EPHB1: variants seen among roughly 807,000 people sequenced by gnomAD.
EPHB1 encodes the protein EPH receptor B1.
Under a neutral mutation model 94.4 loss-of-function variants are expected in EPHB1, and 30 were observed. The ratio of observed to expected loss-of-function variants is 0.32; its 90% CI spans 0.24 to 0.43. The LOEUF is 0.43. EPHB1 is among the 20% of genes least tolerant of loss of function. EPHB1 has a pLI of 1.00. For missense variants in EPHB1, 1,055 were observed against 1,308.3 expected (o/e 0.81, Z 2.99); for synonymous variants, 522 against 489.1 (o/e 1.07, Z -0.89).
chr3:134,852,205 C>T (rs746014516), intron 1 of EPHB1, among the ~76,000 whole-genome samples: 1 of 152,160 alleles, frequency 6.6e-6, no homozygotes, highest in African/African-American at 2.4e-5. Context: ...AATGTCCCCT[C>T]CTTTTGGTTG....
intron 6 of EPHB1, among the ~76,000 whole-genome samples, chr3:135,158,572 G>A (rs77312547): frequency 0.025 from 3,815 of 152,126 alleles, 152 homozygotes; most frequent in African/African-American, 0.087. Context: ...TTGCGCTTAG[G>A]ACCCCTTTCA....
At chr3:135,175,242 T>G (rs1180008706) in intron 9 of EPHB1, among the ~76,000 whole-genome samples, 1 of 152,196 alleles carries the variant, frequency 6.6e-6, no homozygotes, top group Non-Finnish European at 1.5e-5. Context: ...TGTCCCAGCC[T>G]TTTCACTTTT....
At chr3:135,219,642 GGTT>G (rs1471595679) in intron 12 of EPHB1, among the ~76,000 whole-genome samples, 1 of 152,170 alleles carries the variant, frequency 6.6e-6, no homozygotes, top group Non-Finnish European at 1.5e-5. Flanking sequence ...TATAACTCTT[GGTT>G]GTTATGTTCA....
intron 1 of EPHB1, among the ~76,000 whole-genome samples, chr3:134,814,773 A>C (rs1013931335): frequency 6.6e-6 from 1 of 152,246 alleles, no homozygotes; most frequent in Admixed American, 6.5e-5. Context: ...TTGCCATTGC[A>C]GACGAAGCTT....
chr3:134,903,369 T>G (rs898274084), intron 1 of EPHB1, among the ~76,000 whole-genome samples: 1 of 152,196 alleles, frequency 6.6e-6, no homozygotes, highest in Non-Finnish European at 1.5e-5. Flanking sequence ...GTGTATGGAA[T>G]GAGAGAGGCT....
At chr3:134,996,190 CTTTTA>C (rs1477685140) in intron 3 of EPHB1, among the ~76,000 whole-genome samples, 7 of 151,980 alleles carry the variant, frequency 4.6e-5, no homozygotes, top group Non-Finnish European at 8.8e-5. Flanking sequence ...GAATAATATT[CTTTTA>C]TTTATTTATT....
At chr3:134,973,193 A>G (rs1934045829) in intron 3 of EPHB1, among the ~76,000 whole-genome samples, 1 of 152,146 alleles carries the variant, frequency 6.6e-6, no homozygotes, top group South Asian at 2.1e-4. Context: ...GCCCTTTCCA[A>G]GGGCAGACAC....
chr3:135,018,589 T>C (rs952615160), intron 3 of EPHB1, among the ~76,000 whole-genome samples: 12 of 152,288 alleles, frequency 7.9e-5, no homozygotes, highest in African/African-American at 2.4e-4. Context: ...TGTGAACATA[T>C]TTAGTAGATA....
chr3:135,048,643 G>T (rs995390099), intron 3 of EPHB1, among the ~76,000 whole-genome samples: 1 of 152,176 alleles, frequency 6.6e-6, no homozygotes, highest in Non-Finnish European at 1.5e-5. Flanking sequence ...AGGGAGCAGA[G>T]TAGCCAAGTC....
chr3:135,239,008 A>C (rs1323844474), intron 12 of EPHB1, among the ~76,000 whole-genome samples: 1 of 152,208 alleles, frequency 6.6e-6, no homozygotes, highest in Non-Finnish European at 1.5e-5. Context: ...ATGTTGATAA[A>C]ACCAGTAAAT....
chr3:135,238,860 G>A (rs1184967028), intron 12 of EPHB1, among the ~76,000 whole-genome samples: 3 of 152,158 alleles, frequency 2.0e-5, no homozygotes, highest in African/African-American at 7.2e-5. Context: ...AGGCCATCTC[G>A]AGGTGTGACA....
chr3:134,936,725 A>G (rs2039010864), intron 2 of EPHB1, among the ~76,000 whole-genome samples: 1 of 152,176 alleles, frequency 6.6e-6, no homozygotes. Context: ...CAGTGTCACG[A>G]AGGACAGCCT....
chr3:135,106,494 C>T lies in EPHB1; in HGVS notation c.852C>T (p.Cys284=), dbSNP rs367853569. ...AGGCCAGCCAGGAAGCTGAAGGCTG[C>T]TCCCACTGCCCCTCCAACAGCCGCT... ...TFKASQEAEG[C]SHCPSNSRSP... Residue 284 remains cysteine, a synonymous_variant, in exon 4 of 16, where the codon TGC becomes TGT. Transcript: ENST00000398015. The T allele has an allele frequency of 1.5e-4, 244 of 1,614,020 alleles. 1 individual carries two copies. The African/African-American group carries it at 2.9e-3, about 19-fold the overall frequency.
At chr3:135,166,213 C>G (rs1941648206) in intron 8 of EPHB1, 137 bp downstream of exon 8, 1 of 636,744 alleles carries the variant, frequency 1.6e-6, no homozygotes, top group African/African-American at 1.8e-5. Flanking sequence ...CCAAGAGCAG[C>G]CTAGAATTCT....
intron 7 of EPHB1, among the ~76,000 whole-genome samples, chr3:135,164,255 C>T (rs767705294): frequency 2.0e-5 from 3 of 152,098 alleles, no homozygotes; most frequent in Non-Finnish European, 2.9e-5. Context: ...AATTGACTTC[C>T]GTCTTTAAAA....
Position 135,137,228 on chromosome 3 carries a change from C to T in EPHB1, c.1297+4179C>T, listed in dbSNP as rs538092848. 2.6e-5 allele frequency among the ~76,000 whole-genome samples: 4 copies of T among 152,180 alleles called. No homozygotes were observed. The South Asian group carries it at 6.2e-4, about 24-fold the overall frequency. On this transcript the variant is annotated intron_variant, in intron 5 of 15. Transcript: ENST00000398015. ...GGTAATGGAGAGGAGCAAAGCAGAG[C>T]CAGGTACAAGGCAATAGAGAGTGGT...
At chr3:135,020,876 G>A (rs3889903) in intron 3 of EPHB1, among the ~76,000 whole-genome samples, 37,874 of 152,004 alleles carry the variant, frequency 0.25, 6,330 homozygotes, top group East Asian at 0.71. Context: ...ATGTATTTTC[G>A]TAAATAGTAA....
intron 3 of EPHB1, among the ~76,000 whole-genome samples, chr3:135,029,638 T>C (rs1402231003): frequency 1.1e-4 from 16 of 149,926 alleles, no homozygotes; most frequent in African/African-American, 3.9e-4. Flanking sequence ...CCGACCTTTC[T>C]CTCTGGCTGC....
chr3:135,184,915 G>A (rs1185385837), intron 10 of EPHB1, among the ~76,000 whole-genome samples: 1 of 152,230 alleles, frequency 6.6e-6, no homozygotes, highest in Non-Finnish European at 1.5e-5. Context: ...TTGATCAGTA[G>A]ACTTGCCCAG....
Sources: gnomAD v4.1 joint callset for allele counts (sites outside exome capture counted in the v4.1 genomes callset) on GRCh38, gnomAD v4.1.1 for gene constraint, MANE v1.5 for transcripts, NCBI Gene and HGNC (gene_info 2026-07-23, HGNC 2026-07-21) for gene names.